Variants in PDE3A observed in about 807,000 individuals in gnomAD.
The protein encoded by PDE3A is cGMP-inhibited 3',5'-cyclic phosphodiesterase 3A.
In PDE3A, 43 loss-of-function variants were observed where a neutral mutation model predicts 98.3. That is an observed-to-expected ratio of 0.44 (90% CI 0.34 to 0.56). The LOEUF (loss-of-function observed/expected upper bound fraction) is 0.56, where lower values mean the gene tolerates loss of function less well. PDE3A is among the 20% of genes least tolerant of loss of function. PDE3A has a pLI of 0.01. For synonymous variants in PDE3A, 663 were observed against 567.9 expected (o/e 1.17, Z -2.38); for missense variants, 1,427 against 1,440.7 (o/e 0.99, Z 0.15).
chr12:20,610,274 G>T (rs187339620), intron 2 of PDE3A, among the ~76,000 whole-genome samples: 1 of 151,958 alleles, frequency 6.6e-6, no homozygotes, highest in Non-Finnish European at 1.5e-5. Flanking sequence ...CATGAAAGTG[G>T]CCAACATATA....
rs768307983 is a variant in PDE3A, at chr12:20,369,770, G to A, written c.486G>A (p.Ala162=). 1 of 1,612,326 alleles carries A rather than the reference G, an allele frequency of 6.2e-7. No individual in the cohort carries two copies. Among genetic ancestry groups the A allele is most frequent in the Admixed American group, 1.7e-5 (1 of 59,970 alleles). The change falls in exon 1 of 16, where the codon GCG becomes GCA. Residue 162 remains alanine (A), a synonymous_variant. Coordinates refer to ENST00000359062, the MANE Select transcript of PDE3A (RefSeq NM_000921.5). ...RAGVRLPLAV[A]LLAACCGGEA... ...GGGTGCGCCTGCCTCTGGCTGTCGC[G>A]CTGCTGGCCGCCTGCTGCGGGGGGG...
intron 1 of PDE3A, among the ~76,000 whole-genome samples, chr12:20,553,380 A>G (rs1433377694): frequency 1.8e-5 from 2 of 112,468 alleles, no homozygotes; most frequent in Non-Finnish European, 3.6e-5. Flanking sequence ...CAACTCTTTA[A>G]GAAGGCGACA....
intron 2 of PDE3A, among the ~76,000 whole-genome samples, chr12:20,600,737 G>T (rs1372533566): frequency 6.6e-6 from 1 of 152,128 alleles, no homozygotes; most frequent in Non-Finnish European, 1.5e-5. Context: ...CCAGAATCAG[G>T]TTGTTAAATA....
chr12:20,562,858 T>G (rs1435726735), intron 2 of PDE3A, among the ~76,000 whole-genome samples: 1 of 152,152 alleles, frequency 6.6e-6, no homozygotes, highest in African/African-American at 2.4e-5. Flanking sequence ...AAAATTCTGG[T>G]TTGTATGATT....
intron 1 of PDE3A, among the ~76,000 whole-genome samples, chr12:20,415,862 A>T (rs1944413783): frequency 6.6e-6 from 1 of 152,220 alleles, no homozygotes; most frequent in Non-Finnish European, 1.5e-5. Context: ...GAGGCAGTAC[A>T]GGCTTCAGTG....
Position 20,470,064 on chromosome 12 carries a change from C to CT in PDE3A, c.961-86586dup, listed in dbSNP as rs201439663. Among the ~76,000 whole-genome samples, 301 of 148,794 alleles carry CT rather than the reference C, an allele frequency of 2.0e-3. 2 individuals are homozygous for CT. The highest frequency in any genetic ancestry group is 0.012 in the East Asian group (59 of 5,074). ...GTCTTCCTGGAAATCATATTTTAAT[C>CT]TTTTTTTTTTCTGTTTTTTTTTCCT... On this transcript the variant is annotated intron_variant, in intron 1 of 15. Coordinates refer to ENST00000359062, the MANE Select transcript of PDE3A (RefSeq NM_000921.5).
At chr12:20,594,486 C>A (rs1016176694) in intron 2 of PDE3A, among the ~76,000 whole-genome samples, 2 of 150,624 alleles carry the variant, frequency 1.3e-5, no homozygotes, top group African/African-American at 4.9e-5. Flanking sequence ...ATATTTTCTG[C>A]CAAGAAGAAC....
intron 1 of PDE3A, among the ~76,000 whole-genome samples, chr12:20,525,621 T>C (rs1946505050): frequency 6.6e-6 from 1 of 152,174 alleles, no homozygotes. Context: ...CCAGTCATTG[T>C]TTATATGATT....
Position 20,453,514 on chromosome 12 carries a change from A to G in PDE3A, c.960+83270A>G, listed in dbSNP as rs546969700. Among the ~76,000 whole-genome samples the G allele has an allele frequency of 5.9e-5, 9 of 152,244 alleles. No individual in the cohort carries two copies. In the East Asian group the frequency reaches 1.2e-3, roughly 20 times the overall value. Reference sequence around the variant, plus strand: ...TAATGTAGAAGTCATTTGCTGAGGTACCAGTATACAGGTGGCAAAAACAAT... The same window carrying G: ...TAATGTAGAAGTCATTTGCTGAGGTGCCAGTATACAGGTGGCAAAAACAAT... On this transcript the variant is annotated intron_variant, in intron 1 of 15. Coordinates refer to ENST00000359062, the MANE Select transcript of PDE3A (RefSeq NM_000921.5).
chr12:20,370,691 C>A (rs1279566312), intron 1 of PDE3A, among the ~76,000 whole-genome samples: 1 of 151,932 alleles, frequency 6.6e-6, no homozygotes. Flanking sequence ...AAAGTAAAAT[C>A]TTTTTAATGA....
At chr12:20,458,930 C>T (rs1030801810) in intron 1 of PDE3A, among the ~76,000 whole-genome samples, 4 of 151,992 alleles carry the variant, frequency 2.6e-5, no homozygotes, top group South Asian at 2.1e-4. Flanking sequence ...TATAGTTAAA[C>T]CTTAAGAAGG....
At chr12:20,646,241 G>A (rs1016571961) in intron 10 of PDE3A, among the ~76,000 whole-genome samples, 2 of 152,122 alleles carry the variant, frequency 1.3e-5, no homozygotes, top group Non-Finnish European at 2.9e-5. Flanking sequence ...GTCGACTGTT[G>A]ACACAGATTT....
At chr12:20,466,300 T>G (rs1260839306) in intron 1 of PDE3A, among the ~76,000 whole-genome samples, 2 of 152,216 alleles carry the variant, frequency 1.3e-5, no homozygotes, top group African/African-American at 4.8e-5. Context: ...ATTTTTTATA[T>G]GAGCAAATAA....
chr12:20,568,040 G>T (rs1359247126), intron 2 of PDE3A, among the ~76,000 whole-genome samples: 1 of 151,848 alleles, frequency 6.6e-6, no homozygotes, highest in South Asian at 2.1e-4. Flanking sequence ...TTCAGTGCAA[G>T]TTTGAAATGA....
At chr12:20,438,218 A>G (rs142339732) in intron 1 of PDE3A, among the ~76,000 whole-genome samples, 162 of 152,278 alleles carry the variant, frequency 1.1e-3, no homozygotes, top group Non-Finnish European at 1.9e-3. Flanking sequence ...GCTCCTAAGT[A>G]TCCACAGGTG....
intron 1 of PDE3A, among the ~76,000 whole-genome samples, chr12:20,404,725 A>G (rs1428215852): frequency 6.6e-6 from 1 of 151,316 alleles, no homozygotes; most frequent in Non-Finnish European, 1.5e-5. Flanking sequence ...CCTTATTTAT[A>G]TATGTCTAAA....
chr12:20,568,597 G>A (rs1002157240), intron 2 of PDE3A, among the ~76,000 whole-genome samples: 6 of 151,816 alleles, frequency 4.0e-5, no homozygotes, highest in African/African-American at 1.4e-4. Context: ...CTCTTTTCAT[G>A]TGACACAACA....
chr12:20,386,014 A>ATAAAATATATATATAAATATATG, intron 1 of PDE3A, among the ~76,000 whole-genome samples: 1 of 104,304 alleles, frequency 9.6e-6, no homozygotes, highest in South Asian at 2.5e-4. Context: ...ATAAATATAT[A>ATAAAATATATATATAAATATATG]TAAAATATAT....
At chr12:20,468,636 G>A (rs1161508236) in intron 1 of PDE3A, among the ~76,000 whole-genome samples, 8 of 152,056 alleles carry the variant, frequency 5.3e-5, no homozygotes, top group East Asian at 1.9e-4. Context: ...CCCTCTATAC[G>A]CAGCTCCAAG....
Sources: allele counts gnomAD v4.1 joint callset (sites outside exome capture counted in the v4.1 genomes callset), GRCh38; gene constraint gnomAD v4.1.1; transcripts MANE v1.5; gene names NCBI Gene and HGNC (gene_info 2026-07-23, HGNC 2026-07-21).